TMEM276: variants seen among roughly 807,000 people sequenced by gnomAD.
The protein encoded by TMEM276 is transmembrane protein 276.
the TMEM276 span, chr8:144,466,337 G>T: frequency 2.4e-6 from 1 of 412,614 alleles, no homozygotes; most frequent in Non-Finnish European, 3.6e-6. Flanking sequence ...CATGCGCACC[G>T]GCACTGCGGC....
At chr8:144,465,287 C>T in the TMEM276 span, 2 of 1,127,644 alleles carry the variant, frequency 1.8e-6, no homozygotes, top group Non-Finnish European at 2.2e-6. Context: ...GAGGCGTTGT[C>T]CTGGGAACCC....
chr8:144,466,816 G>A, the TMEM276 span: 1 of 1,536,998 alleles, frequency 6.5e-7, no homozygotes, highest in Non-Finnish European at 8.7e-7. Context: ...CAGAGCTGTG[G>A]ACCGAGCTGA....
chr8:144,464,642 G>C, the TMEM276 span: 1 of 1,583,408 alleles, frequency 6.3e-7, no homozygotes, highest in Admixed American at 1.8e-5. Flanking sequence ...AGAACACGTG[G>C]GAAAAAGAGG....
chr8:144,466,723 G>T, the TMEM276 span: 1 of 1,473,720 alleles, frequency 6.8e-7, no homozygotes, highest in Admixed American at 2.2e-5. Context: ...CAGGCTGCCT[G>T]CCCCCCTCCT....
At chr8:144,466,866 G>T in the TMEM276 span, 1 of 1,536,576 alleles carries the variant, frequency 6.5e-7, no homozygotes, top group Non-Finnish European at 8.7e-7. Context: ...GTCCCGCGGT[G>T]CGAGGGCGGT....
chr8:144,464,596 G>A, the TMEM276 span: 1 of 1,608,516 alleles, frequency 6.2e-7, no homozygotes, highest in Non-Finnish European at 8.5e-7. Flanking sequence ...GAAGCCAGCA[G>A]CAGCCCCTCG....
chr8:144,463,962 G>A, the TMEM276 span: 10 of 1,495,646 alleles, frequency 6.7e-6, no homozygotes, highest in Non-Finnish European at 8.9e-6. Context: ...GTCCCCACAC[G>A]TGGCCAAAGG....
At chr8:144,463,945 TAG>T in the TMEM276 span, 1 of 1,476,108 alleles carries the variant, frequency 6.8e-7, no homozygotes, top group Non-Finnish European at 8.9e-7. Flanking sequence ...CATTCTGGTC[TAG>T]ACAAGTCCCC....
chr8:144,464,562 G>T, the TMEM276 span: 1 of 1,611,570 alleles, frequency 6.2e-7, no homozygotes, highest in Non-Finnish European at 8.5e-7. Context: ...CCAGCGTGGT[G>T]GTGGCAGCCA....
chr8:144,465,421 G>T, the TMEM276 span: 1 of 1,012,734 alleles, frequency 9.9e-7, no homozygotes, highest in Non-Finnish European at 1.2e-6. Flanking sequence ...GCCCACCGCC[G>T]TCGGCCCTGC....
chr8:144,464,284 CA>C, the TMEM276 span: 1 of 1,613,292 alleles, frequency 6.2e-7, no homozygotes, highest in Non-Finnish European at 8.5e-7. Context: ...CGCCCCCCCC[CA>C]CATCCCATAA....
the TMEM276 span, chr8:144,464,384 C>T: frequency 3.1e-6 from 5 of 1,609,336 alleles, no homozygotes; most frequent in Non-Finnish European, 8.5e-7. Flanking sequence ...CCCTCAGGGC[C>T]GAGGTGGCCG....
At chr8:144,464,920 A>G in the TMEM276 span, 10 of 1,610,052 alleles carry the variant, frequency 6.2e-6, no homozygotes, top group South Asian at 1.1e-5. Context: ...AGGCGGCAGT[A>G]TGTACGAGGA....
chr8:144,465,102 G>A, the TMEM276 span: 7 of 1,494,928 alleles, frequency 4.7e-6, no homozygotes, highest in Admixed American at 1.1e-4. Flanking sequence ...CACACCTGTG[G>A]AGAAGAAGAA....
At chr8:144,466,878 C>T in the TMEM276 span, 1 of 1,537,196 alleles carries the variant, frequency 6.5e-7, no homozygotes, top group South Asian at 1.2e-5. Flanking sequence ...GAGGGCGGTG[C>T]CGGGACCTCC....
At chr8:144,466,577 G>A in the TMEM276 span, 19 of 996,106 alleles carry the variant, frequency 1.9e-5, no homozygotes, top group Admixed American at 4.4e-5. Context: ...CCCCCACGCC[G>A]AGGTTCCCGG....
chr8:144,464,785 C>G, the TMEM276 span: 1 of 1,611,502 alleles, frequency 6.2e-7, no homozygotes, highest in Non-Finnish European at 8.5e-7. Context: ...GGGATGCGCC[C>G]CTGCTCAGCC....
At chr8:144,464,766 G>A in the TMEM276 span, 11 of 1,608,656 alleles carry the variant, frequency 6.8e-6, no homozygotes, top group Non-Finnish European at 9.3e-6. Context: ...TTGGGGTTTG[G>A]GAGGTATGGG....
chr8:144,466,449 C>T, the TMEM276 span: 13 of 1,367,842 alleles, frequency 9.5e-6, no homozygotes, highest in East Asian at 3.4e-5. Context: ...TGCTCATCTA[C>T]ATCTTCTACA....
Sources: allele counts gnomAD v4.1 joint callset, GRCh38; gene constraint gnomAD v4.1.1; transcripts MANE v1.5; gene names NCBI Gene and HGNC (gene_info 2026-07-23, HGNC 2026-07-21).